Variants in GRIN2A observed in about 807,000 individuals in gnomAD.
GRIN2A encodes glutamate receptor ionotropic, NMDA 2A.
Under a neutral mutation model 113.4 loss-of-function variants are expected in GRIN2A, and 22 were observed. The observed-to-expected ratio is 0.19, with a 90% CI of 0.14 to 0.28. The LOEUF (loss-of-function observed/expected upper bound fraction) is 0.28. Among genes scored for constraint, GRIN2A ranks in the 10% least tolerant of loss-of-function variants. The pLI, the probability that GRIN2A is intolerant of heterozygous loss-of-function variation, is 1.00. For missense variants in GRIN2A, 1,502 were observed against 1,887.0 expected, an observed-to-expected ratio of 0.80 and a Z score of 3.78; for synonymous variants, 827 against 738.4, an observed-to-expected ratio of 1.12 and a Z score of -1.94.
chr16:10,023,015 A>G (rs1339418915), intron 2 of GRIN2A, among the ~76,000 whole-genome samples: 1 of 152,206 alleles, frequency 6.6e-6, no homozygotes, highest in Non-Finnish European at 1.5e-5. Flanking sequence ...AAATCCTACT[A>G]ATCAGGGGGA....
Position 10,180,326 on chromosome 16 carries a change from T to G in GRIN2A, c.86A>C (p.Lys29Thr). The G allele has an allele frequency of 6.2e-7, 1 of 1,609,986 alleles. No homozygotes were observed. The highest frequency in any genetic ancestry group is 8.5e-7 in the Non-Finnish European group (1 of 1,179,900). Residue 29 changes from lysine (K) to threonine (T), a missense_variant, in exon 2 of 13, where the codon AAG becomes ACG. Physicochemically the swap from Lys to Thr is moderately conservative, Grantham distance 78 (BLOSUM62 -1). Coordinates refer to ENST00000330684, the MANE Select transcript of GRIN2A (RefSeq NM_001134407.3). The surrounding 1 kb of genome is among the most constrained non-coding windows in gnomAD (Gnocchi z 7.0). ...CGCAATATTTAGCGCGGGGGGACCC[T>G]TCTCCGCCGCCGCGCTCGGCGCCGG... The part of the protein sequence containing the change: ...RGPAPSAAAE[K>T]GPPALNIAVM...
At chr16:9,928,904 T>C (rs1323412926) in intron 3 of GRIN2A, among the ~76,000 whole-genome samples, 1 of 152,222 alleles carries the variant, frequency 6.6e-6, no homozygotes, top group Non-Finnish European at 1.5e-5. Flanking sequence ...CCCAGATATA[T>C]TCACCATAGC....
At chr16:9,816,569 A>G (rs1596458108) in intron 10 of GRIN2A, among the ~76,000 whole-genome samples, 1 of 152,330 alleles carries the variant, frequency 6.6e-6, no homozygotes, top group East Asian at 1.9e-4. Context: ...GACGTTGTTT[A>G]ATTTAAATCT....
intron 2 of GRIN2A, among the ~76,000 whole-genome samples, chr16:10,122,608 C>A (rs11074595): frequency 0.76 from 114,444 of 151,382 alleles, 44,525 homozygotes; most frequent in East Asian, 0.99. Flanking sequence ...CCCACCCCCC[C>A]AAAAAATGGG....
At chr16:9,922,129 G>C (rs1271350251) in intron 3 of GRIN2A, among the ~76,000 whole-genome samples, 1 of 152,034 alleles carries the variant, frequency 6.6e-6, no homozygotes, top group Non-Finnish European at 1.5e-5. Context: ...AAAAGGGTTG[G>C]AGCTACCACT....
At chr16:9,914,419 T>C (rs1468133644) in intron 3 of GRIN2A, among the ~76,000 whole-genome samples, 1 of 152,166 alleles carries the variant, frequency 6.6e-6, no homozygotes, top group Non-Finnish European at 1.5e-5. Context: ...TGTCCAATAG[T>C]GTCTAATAGA....
rs141114152 is a variant in GRIN2A, at chr16:10,161,206, T to C, written c.414+18792A>G. Among the ~76,000 whole-genome samples, 11 of 152,284 alleles carry C rather than the reference T, an allele frequency of 7.2e-5. No homozygotes were observed. In the East Asian group the frequency reaches 2.1e-3, roughly 29 times the overall value. On this transcript the variant is annotated intron_variant, in intron 2 of 12. Coordinates refer to ENST00000330684, the MANE Select transcript of GRIN2A (RefSeq NM_001134407.3). ...TTCTCACAAGATCTGATGGTCTTAT[T>C]AGGGGCTTTTCCCCCTTTTGCTCAC...
chr16:9,795,686 T>A (rs1211757979), intron 11 of GRIN2A, among the ~76,000 whole-genome samples: 1 of 152,232 alleles, frequency 6.6e-6, no homozygotes, highest in Non-Finnish European at 1.5e-5. Flanking sequence ...ACTTTACATG[T>A]ATTCTCCCAT....
At chr16:9,822,095 G>A (rs540827177) in intron 10 of GRIN2A, among the ~76,000 whole-genome samples, 169 bp downstream of exon 10, 3 of 152,104 alleles carry the variant, frequency 2.0e-5, no homozygotes, top group Non-Finnish European at 2.9e-5. Flanking sequence ...AGGAAACCTG[G>A]GATGCTCATT....
intron 2 of GRIN2A, among the ~76,000 whole-genome samples, chr16:10,135,576 T>C (rs1419303868): frequency 1.3e-5 from 2 of 152,200 alleles, no homozygotes; most frequent in African/African-American, 4.8e-5. Flanking sequence ...CCAAAATCTG[T>C]ATTATTGAGG....
intron 5 of GRIN2A, among the ~76,000 whole-genome samples, chr16:9,849,464 C>A (rs1178292110): frequency 6.6e-6 from 1 of 151,904 alleles, no homozygotes; most frequent in East Asian, 1.9e-4. Flanking sequence ...CATTTCCTAG[C>A]TAGATGGCTT....
intron 2 of GRIN2A, among the ~76,000 whole-genome samples, chr16:10,111,027 C>T (rs968474384): frequency 6.6e-6 from 1 of 152,124 alleles, no homozygotes; most frequent in Non-Finnish European, 1.5e-5. Flanking sequence ...ATCAGCTCGA[C>T]CAATTAAGTG....
chr16:9,912,177 G>GA (rs1042399152), intron 3 of GRIN2A, among the ~76,000 whole-genome samples: 4 of 151,748 alleles, frequency 2.6e-5, no homozygotes, highest in African/African-American at 7.3e-5. Flanking sequence ...GAAGAATGGG[G>GA]AAAAAAAGGA....
At chr16:10,104,114 G>T (rs966043951) in intron 2 of GRIN2A, among the ~76,000 whole-genome samples, 1 of 152,152 alleles carries the variant, frequency 6.6e-6, no homozygotes, top group African/African-American at 2.4e-5. Context: ...CAGAGGCAAA[G>T]GGTTGTTATT....
intron 2 of GRIN2A, among the ~76,000 whole-genome samples, chr16:10,049,212 G>A (rs936724290): frequency 2.0e-5 from 3 of 152,044 alleles, no homozygotes; most frequent in Non-Finnish European, 4.4e-5. Context: ...ATGGTGAGAT[G>A]ACAATGAAGA....
At chr16:9,864,335 A>C (rs1225421103) in intron 4 of GRIN2A, among the ~76,000 whole-genome samples, 1 of 152,132 alleles carries the variant, frequency 6.6e-6, no homozygotes, top group Non-Finnish European at 1.5e-5. Flanking sequence ...CAGCTGAAAA[A>C]GCCTTTTATT....
chr16:9,993,376 C>T (rs970824028), intron 2 of GRIN2A, among the ~76,000 whole-genome samples: 4 of 151,838 alleles, frequency 2.6e-5, no homozygotes, highest in Non-Finnish European at 4.4e-5. Flanking sequence ...ATAGTGAAAC[C>T]CCATCTCTAC....
chr16:9,779,025 C>T (rs1901781482), intron 11 of GRIN2A, among the ~76,000 whole-genome samples: 1 of 152,208 alleles, frequency 6.6e-6, no homozygotes, highest in Non-Finnish European at 1.5e-5. Flanking sequence ...TCCTGCATCA[C>T]ACAAGGCAAG....
At chr16:9,834,818 G>T (rs1241095302) in intron 7 of GRIN2A, among the ~76,000 whole-genome samples, 1 of 152,056 alleles carries the variant, frequency 6.6e-6, no homozygotes, top group Non-Finnish European at 1.5e-5. Flanking sequence ...ATAATCAGAA[G>T]AAAAAAGAGT....
Sources: allele counts gnomAD v4.1 joint callset (sites outside exome capture counted in the v4.1 genomes callset), GRCh38; gene constraint gnomAD v4.1.1; non-coding constraint Gnocchi (gnomAD v3.1); transcripts MANE v1.5; gene names NCBI Gene and HGNC (gene_info 2026-07-23, HGNC 2026-07-21).